The following FRMD4A variants were observed in gnomAD, a reference collection of about 807,000 sequenced individuals.
FRMD4A encodes the protein FERM domain-containing protein 4A.
Under a neutral mutation model 129.1 loss-of-function variants are expected in FRMD4A, and 29 were observed. The observed-to-expected ratio is 0.22, with a 90% CI of 0.17 to 0.31. The LOEUF (loss-of-function observed/expected upper bound fraction) is 0.31, where lower values mean the gene tolerates loss of function less well. Ranked by LOEUF, FRMD4A falls within the 10% of genes least tolerant of loss-of-function variation. The pLI is 1.00. For missense variants in FRMD4A, 1,272 were observed against 1,375.8 expected (o/e 0.92, Z 1.19); for synonymous variants, 634 against 571.6 (o/e 1.11, Z -1.56).
chr10:13,859,983 C>G (rs532842066), intron 2 of FRMD4A, among the ~76,000 whole-genome samples: 1 of 152,204 alleles, frequency 6.6e-6, no homozygotes, highest in South Asian at 2.1e-4. Flanking sequence ...ATAAATGGGC[C>G]GAGCCCAGTG....
At chr10:14,187,331 A>T (rs983257206) in intron 2 of FRMD4A, among the ~76,000 whole-genome samples, 1 of 152,216 alleles carries the variant, frequency 6.6e-6, no homozygotes. Context: ...TTCACAGATA[A>T]GTAAATTGAG....
chr10:13,651,903 C>G lies in FRMD4A; in HGVS notation c.*2G>C. The G allele has an allele frequency of 6.6e-7, 1 of 1,514,356 alleles. No homozygotes were observed. Among genetic ancestry groups the G allele is most frequent in the Non-Finnish European group, 9.2e-7 (1 of 1,088,614 alleles). The allele number at this position is 1,514,356 out of a possible 1,614,324, so 93.8% of individuals were successfully genotyped here. A position where few individuals can be genotyped will look rare whatever the true frequency, so the allele number is the denominator to read the frequency against. On this transcript the variant is annotated splice_region_variant and 3_prime_UTR_variant, in exon 24 of 25. Transcript: ENST00000357447. ...AGGAACAAAACTCCCCTTACGGTACCTCTATTCATCAGTACTTTGGTGAGG... is the reference window on the plus strand; with the variant it reads ...AGGAACAAAACTCCCCTTACGGTACGTCTATTCATCAGTACTTTGGTGAGG...
At chr10:13,741,392 AGTG>A (rs1241922798) in intron 9 of FRMD4A, among the ~76,000 whole-genome samples, 3 of 152,098 alleles carry the variant, frequency 2.0e-5, no homozygotes, top group African/African-American at 7.2e-5. Context: ...TCAAGGCTGC[AGTG>A]AGCTACAATT....
At chr10:13,781,581 T>C (rs1213752131) in intron 6 of FRMD4A, among the ~76,000 whole-genome samples, 3 of 152,052 alleles carry the variant, frequency 2.0e-5, no homozygotes, top group African/African-American at 7.2e-5. Context: ...TTCCGCCATG[T>C]TGGCCAGGCT....
At chr10:14,058,213 T>G (rs553980026) in intron 2 of FRMD4A, among the ~76,000 whole-genome samples, 1 of 152,282 alleles carries the variant, frequency 6.6e-6, no homozygotes, top group East Asian at 1.9e-4. Context: ...CCGAGGGGAT[T>G]TGGGCTATCT....
chr10:14,226,107 T>C (rs12219502), intron 2 of FRMD4A, among the ~76,000 whole-genome samples: 24,435 of 152,224 alleles, frequency 0.16, 2,202 homozygotes, highest in South Asian at 0.27. Flanking sequence ...CCTCCCTGCA[T>C]GTTTTTTTTA....
chr10:13,862,161 A>G (rs987932172), intron 2 of FRMD4A, among the ~76,000 whole-genome samples: 7 of 152,238 alleles, frequency 4.6e-5, no homozygotes, highest in African/African-American at 1.7e-4. Context: ...GTTTTAAGAA[A>G]GAAATGCTGT....
chr10:13,864,158 T>A (rs570406907), intron 2 of FRMD4A, among the ~76,000 whole-genome samples: 10 of 151,458 alleles, frequency 6.6e-5, no homozygotes, highest in African/African-American at 2.4e-4. Flanking sequence ...AACACGCTCC[T>A]GTAATTTTTG....
At chr10:13,988,102 T>C (rs539567233) in intron 2 of FRMD4A, among the ~76,000 whole-genome samples, 4 of 152,298 alleles carry the variant, frequency 2.6e-5, no homozygotes, top group African/African-American at 9.6e-5. Flanking sequence ...TATTTAATAG[T>C]TACACAAAAC....
chr10:13,703,086 A>G (rs1477144030), intron 13 of FRMD4A, among the ~76,000 whole-genome samples: 2 of 152,186 alleles, frequency 1.3e-5, no homozygotes, highest in African/African-American at 4.8e-5. Context: ...GCTCTTGGAA[A>G]TAAATGAATG....
intron 2 of FRMD4A, among the ~76,000 whole-genome samples, chr10:14,315,114 G>A (rs1189038562): frequency 6.6e-6 from 1 of 151,370 alleles, no homozygotes; most frequent in East Asian, 1.9e-4. Context: ...CTTTTTTACG[G>A]ACTCTCCTTC....
At chr10:14,249,736 G>A (rs61836098) in intron 2 of FRMD4A, among the ~76,000 whole-genome samples, 6,534 of 152,284 alleles carry the variant, frequency 0.043, 198 homozygotes, top group Middle Eastern at 0.085. Context: ...CAAAGTAAAC[G>A]TTCCCGATAA....
intron 2 of FRMD4A, among the ~76,000 whole-genome samples, chr10:14,074,119 T>TAAAA (rs1238974233): frequency 5.1e-4 from 77 of 151,846 alleles, no homozygotes; most frequent in Admixed American, 3.7e-3. Context: ...AAAAAAAATT[T>TAAAA]TTTTTGTTTC....
intron 2 of FRMD4A, among the ~76,000 whole-genome samples, chr10:14,280,438 C>T (rs1247522166): frequency 6.6e-6 from 1 of 152,070 alleles, no homozygotes; most frequent in Non-Finnish European, 1.5e-5. Context: ...CTCTGGCTCA[C>T]ACTGTAAAAT....
chr10:14,307,795 G>C (rs1430888109), intron 2 of FRMD4A, among the ~76,000 whole-genome samples: 1 of 152,212 alleles, frequency 6.6e-6, no homozygotes, highest in East Asian at 1.9e-4. Flanking sequence ...AAGGGAATCA[G>C]TCTTAAAAGA....
chr10:14,317,779 A>G (rs1424664829), intron 2 of FRMD4A, among the ~76,000 whole-genome samples: 1 of 150,046 alleles, frequency 6.7e-6, no homozygotes, highest in Non-Finnish European at 1.5e-5. Flanking sequence ...AAAAGGAAGA[A>G]AGCCAGTTCT....
chr10:14,022,627 G>A (rs1832809753), intron 2 of FRMD4A, among the ~76,000 whole-genome samples: 1 of 152,172 alleles, frequency 6.6e-6, no homozygotes, highest in Non-Finnish European at 1.5e-5. Flanking sequence ...GTGTGGGGAG[G>A]TTGGGCTAGA....
At chr10:13,756,587 A>G (rs1407198132) in intron 8 of FRMD4A, among the ~76,000 whole-genome samples, 1 of 151,960 alleles carries the variant, frequency 6.6e-6, no homozygotes, top group African/African-American at 2.4e-5. Context: ...CTGGTCTCGA[A>G]CTCCTGGCCT....
chr10:14,125,164 A>G (rs1310270039), intron 2 of FRMD4A, among the ~76,000 whole-genome samples: 1 of 152,186 alleles, frequency 6.6e-6, no homozygotes, highest in Admixed American at 6.5e-5. Context: ...CAACGCATGC[A>G]CCATGATCAC....
Sources: gnomAD v4.1 joint callset for allele counts (sites outside exome capture counted in the v4.1 genomes callset) on GRCh38, gnomAD v4.1.1 for gene constraint, MANE v1.5 for transcripts, NCBI Gene and HGNC (gene_info 2026-07-23, HGNC 2026-07-21) for gene names.